Variants in SYCE3 observed in about 807,000 individuals in gnomAD.
The protein encoded by SYCE3 is synaptonemal complex central element protein 3.
Under a neutral mutation model 8.1 loss-of-function variants are expected in SYCE3, and 3 were observed. The observed-to-expected ratio is 0.37, with a 90% CI of 0.17 to 0.96. The LOEUF is 0.96. SYCE3 is among the 40% of genes least tolerant of loss of function. SYCE3 has a pLI of 0.41. For synonymous variants in SYCE3, 36 were observed against 38.7 expected, an observed-to-expected ratio of 0.93 and a Z score of 0.26; for missense variants, 83 against 110.0, an observed-to-expected ratio of 0.75 and a Z score of 1.10.
chr22:50,551,706 C>T (rs1264663016), intron 2 of SYCE3, among the ~76,000 whole-genome samples: 3 of 152,162 alleles, frequency 2.0e-5, no homozygotes, highest in South Asian at 2.1e-4. Context: ...TAGAGCAAAC[C>T]GCAGCTCCTT....
At chr22:50,554,217 G>T (rs1471441249) in intron 2 of SYCE3, among the ~76,000 whole-genome samples, 1 of 149,692 alleles carries the variant, frequency 6.7e-6, no homozygotes, top group Admixed American at 6.7e-5. Flanking sequence ...AAAGCAATAC[G>T]CAGCGTAGGT....
chr22:50,559,726 G>A (rs1196646147), intron 1 of SYCE3, among the ~76,000 whole-genome samples: 2 of 152,002 alleles, frequency 1.3e-5, no homozygotes, highest in Admixed American at 6.6e-5. Flanking sequence ...TCAGGAGTTC[G>A]AGACCCGCCT....
At chr22:50,556,700 G>C (rs945944958) in intron 1 of SYCE3, among the ~76,000 whole-genome samples, 11 of 152,146 alleles carry the variant, frequency 7.2e-5, no homozygotes, top group African/African-American at 2.7e-4. Context: ...AATGAAAAAA[G>C]TCTGTCATAA....
At chr22:50,556,085 G>A (rs1249698594) in intron 2 of SYCE3, among the ~76,000 whole-genome samples, 1 of 152,054 alleles carries the variant, frequency 6.6e-6, no homozygotes, top group Non-Finnish European at 1.5e-5. Context: ...GAGCCACCGC[G>A]CCCGGCCGAA....
At chr22:50,559,014 C>T (rs1168783141) in intron 1 of SYCE3, among the ~76,000 whole-genome samples, 1 of 152,194 alleles carries the variant, frequency 6.6e-6, no homozygotes, top group African/African-American at 2.4e-5. Flanking sequence ...TTGTTCTCTC[C>T]AAACTCTGTC....
chr22:50,556,835 A>G (rs1000909837), intron 1 of SYCE3, among the ~76,000 whole-genome samples: 1 of 152,270 alleles, frequency 6.6e-6, no homozygotes, highest in Non-Finnish European at 1.5e-5. Context: ...ATATGGGAGT[A>G]AGTCACACAC....
chr22:50,552,125 C>T (rs968224553), intron 2 of SYCE3, among the ~76,000 whole-genome samples: 2 of 152,230 alleles, frequency 1.3e-5, no homozygotes, highest in African/African-American at 4.8e-5. Flanking sequence ...CAGCCCTCTG[C>T]AACTATACAG....
rs2069862020 is a variant in SYCE3, at chr22:50,556,560, A to G, written c.1-155T>C. 1.8e-5 allele frequency: 10 copies of G among 569,308 alleles called. No homozygotes were observed. The South Asian group carries it at 2.5e-4, about 14-fold the overall frequency. The allele number at this position is 569,308 out of a possible 1,614,324, so 35.3% of individuals were successfully genotyped here. Reference sequence around the variant, plus strand: ...CTCCACAGGGCTGTTGTGAAGGTTAAATGGGAACATGTCTAAAGGCCCCAG... The same window carrying G: ...CTCCACAGGGCTGTTGTGAAGGTTAGATGGGAACATGTCTAAAGGCCCCAG... On this transcript the variant is annotated intron_variant, in intron 1 of 2. Transcript: ENST00000406915.
rs1448791162 is a variant in SYCE3 at position 50,551,354 on chromosome 22, G to A, written c.158C>T (p.Pro53Leu). 1.9e-6 allele frequency: 3 copies of A among 1,551,116 alleles called. No homozygotes were observed. The highest frequency in any genetic ancestry group is 2.0e-5 in the Admixed American group (1 of 51,004). Residue 53 changes from proline to leucine, a missense_variant, in exon 3 of 3, where the codon CCT (proline) becomes CTT (leucine). Pro to Leu is a moderately conservative substitution (Grantham distance 98). Coordinates refer to ENST00000406915, the MANE Select transcript of SYCE3 (RefSeq NM_001123225.3). Reference protein sequence around the residue: ...AYDMVVMRTNPTLAESMRRLE... With the variant: ...AYDMVVMRTNLTLAESMRRLE... ...CCGACGCATGGACTCGGCCAGCGTA[G>A]GGTTGGTGCGCATCACCACCATGTC...
intron 1 of SYCE3, among the ~76,000 whole-genome samples, chr22:50,561,504 G>A (rs1447833824): frequency 6.6e-6 from 1 of 151,584 alleles, no homozygotes; most frequent in Non-Finnish European, 1.5e-5. Flanking sequence ...AGGATGGGTG[G>A]CGGAAGTGTG....
chr22:50,556,277 T>A lies in SYCE3; in HGVS notation c.109+20A>T, dbSNP rs186268567. The A allele has an allele frequency of 3.7e-3, 5,518 of 1,508,352 alleles. 16 individuals are homozygous for A. The highest frequency in any genetic ancestry group is 4.5e-3 in the Non-Finnish European group (5,023 of 1,108,404). The allele number at this position is 1,508,352 out of a possible 1,614,324, so 93.4% of individuals were successfully genotyped here. ...TTGATTGAGACCTGTCTCAGATACTTTTGGGTTCACACATCCTACCTGAGA... is the reference window on the plus strand; with the variant it reads ...TTGATTGAGACCTGTCTCAGATACTATTGGGTTCACACATCCTACCTGAGA... On this transcript the variant is annotated intron_variant, in intron 2 of 2. Coordinates refer to ENST00000406915, the MANE Select transcript of SYCE3 (RefSeq NM_001123225.3).
intron 2 of SYCE3, 110 bp downstream of exon 2, chr22:50,556,187 C>T (rs1021691652): frequency 5.6e-6 from 4 of 718,774 alleles, no homozygotes; most frequent in Non-Finnish European, 9.3e-6. Context: ...GAACATATGT[C>T]CTGAGGACCT....
chr22:50,558,629 G>A (rs549974913), intron 1 of SYCE3, among the ~76,000 whole-genome samples: 5 of 152,240 alleles, frequency 3.3e-5, no homozygotes, highest in Admixed American at 1.3e-4. Flanking sequence ...GCCATTCCAC[G>A]TGCAGGGACT....
intron 2 of SYCE3, among the ~76,000 whole-genome samples, chr22:50,553,402 C>A (rs1217499786): frequency 6.6e-6 from 1 of 152,090 alleles, no homozygotes; most frequent in African/African-American, 2.4e-5. Flanking sequence ...TTCTAATGCA[C>A]AAATTACTCT....
chr22:50,557,657 A>G (rs926456888), intron 1 of SYCE3, among the ~76,000 whole-genome samples: 1 of 152,226 alleles, frequency 6.6e-6, no homozygotes, highest in Non-Finnish European at 1.5e-5. Flanking sequence ...ATTAATATAC[A>G]TTAATTCATT....
chr22:50,552,779 T>C (rs2069823211), intron 2 of SYCE3, among the ~76,000 whole-genome samples: 1 of 152,008 alleles, frequency 6.6e-6, no homozygotes, highest in Non-Finnish European at 1.5e-5. Flanking sequence ...GGAGGTCGGG[T>C]CTTTTGGAGA....
At chr22:50,553,579 C>T (rs2069830902) in intron 2 of SYCE3, among the ~76,000 whole-genome samples, 1 of 152,100 alleles carries the variant, frequency 6.6e-6, no homozygotes, top group Non-Finnish European at 1.5e-5. Flanking sequence ...CACCCTCCCT[C>T]TATGCCCAGG....
intron 2 of SYCE3, among the ~76,000 whole-genome samples, chr22:50,552,037 T>C (rs941043139): frequency 1.3e-5 from 2 of 152,218 alleles, no homozygotes; most frequent in Non-Finnish European, 2.9e-5. Context: ...CACATGCTTC[T>C]TGTGTGAACT....
chr22:50,555,381 C>T (rs56003464), intron 2 of SYCE3, among the ~76,000 whole-genome samples: 8,757 of 152,250 alleles, frequency 0.058, 547 homozygotes, highest in African/African-American at 0.15. Context: ...TGGCTCATAC[C>T]TGTAATCCCA....
Sources: allele counts gnomAD v4.1 joint callset (sites outside exome capture counted in the v4.1 genomes callset), GRCh38; gene constraint gnomAD v4.1.1; transcripts MANE v1.5; gene names NCBI Gene and HGNC (gene_info 2026-07-23, HGNC 2026-07-21).